The following SIPA1L3 variants were observed in gnomAD, a reference collection of about 807,000 sequenced individuals.
SIPA1L3 encodes signal-induced proliferation-associated 1-like protein 3.
Under a neutral mutation model 150.1 loss-of-function variants are expected in SIPA1L3, and 59 were observed. The observed-to-expected ratio is 0.39, with a 90% CI of 0.32 to 0.49. The LOEUF (loss-of-function observed/expected upper bound fraction) is 0.49. Among genes scored for constraint, SIPA1L3 ranks in the 20% least tolerant of loss-of-function variants. SIPA1L3 has a pLI of 0.86. For missense variants in SIPA1L3, 2,211 were observed against 2,489.5 expected (o/e 0.89, Z 2.38); for synonymous variants, 1,070 against 1,077.6 (o/e 0.99, Z 0.14).
chr19:37,999,564 G>C (rs999142914), intron 1 of SIPA1L3, among the ~76,000 whole-genome samples: 3 of 152,138 alleles, frequency 2.0e-5, no homozygotes, highest in African/African-American at 7.2e-5. Flanking sequence ...TTAGGGAGGG[G>C]CTTCCGCAGT....
intron 1 of SIPA1L3, among the ~76,000 whole-genome samples, chr19:37,937,479 G>A (rs1599814697): frequency 6.6e-6 from 1 of 151,678 alleles, no homozygotes; most frequent in South Asian, 2.1e-4. Context: ...TGGCTCATGT[G>A]TGTAATCCCA....
chr19:38,193,751 C>A lies in SIPA1L3; in HGVS notation c.4811C>A (p.Ala1604Asp), dbSNP rs200109447. The part of the protein sequence containing the change: ...HPPVGPGATP[A>D]AGSGFPEKKS... ...CCCGTCGGCCCCGGTGCCACCCCTG[C>A]CGCCGGCAGCGGCTTTCCCGAGAAG... Residue 1604 changes from alanine to aspartate, a missense_variant, in exon 18 of 22, where the codon GCC becomes GAC. By Grantham distance (126) the Ala-to-Asp change is moderately radical. Transcript: ENST00000222345. 151 of 1,572,364 alleles carry A rather than the reference C, an allele frequency of 9.6e-5. No homozygotes were observed. The East Asian group carries it at 3.4e-3, about 35-fold the overall frequency.
At chr19:38,069,404 C>A (rs769582509) in intron 2 of SIPA1L3, among the ~76,000 whole-genome samples, 1 of 152,188 alleles carries the variant, frequency 6.6e-6, no homozygotes, top group South Asian at 2.1e-4. Context: ...ACCACACCTG[C>A]GCTCCAGCCT....
At chr19:38,162,039 T>A (rs989665002) in intron 13 of SIPA1L3, among the ~76,000 whole-genome samples, 2 of 151,896 alleles carry the variant, frequency 1.3e-5, no homozygotes, top group Non-Finnish European at 2.9e-5. Flanking sequence ...GAGAGGGAAA[T>A]GGGATATTGC....
intron 4 of SIPA1L3, among the ~76,000 whole-genome samples, chr19:38,094,365 C>T (rs1970330766): frequency 6.6e-6 from 1 of 152,164 alleles, no homozygotes; most frequent in African/African-American, 2.4e-5. Flanking sequence ...CCTCCTGCCT[C>T]AGCCTCCCAA....
intron 9 of SIPA1L3, among the ~76,000 whole-genome samples, chr19:38,125,128 C>T (rs900516066): frequency 7.9e-5 from 12 of 152,232 alleles, no homozygotes; most frequent in South Asian, 4.1e-4. Context: ...CTCCACCTCC[C>T]GGGTTCAAGC....
At chr19:37,919,305 G>A (rs545102185) in intron 1 of SIPA1L3, among the ~76,000 whole-genome samples, 55 of 152,182 alleles carry the variant, frequency 3.6e-4, no homozygotes, top group Non-Finnish European at 6.3e-4. Context: ...GTAAGTATCT[G>A]TTGAATTAAT....
rs758776420 is a variant in SIPA1L3, at chr19:38,164,873, C to CG, written c.4181dup (p.Ser1395GlnfsTer10). ...GGCTCCAGCACCCCCACGGGACTGG[C>CG]GGGGGGCAGCCGAGACCCACCGAGG... On this transcript the variant is annotated frameshift_variant, in exon 15 of 22. Transcript: ENST00000222345. LOFTEE classifies it high-confidence loss of function. This position sits in a 1 kb window ranked among gnomAD's most constrained non-coding sequence, Gnocchi z 4.1. 1.3e-6 allele frequency: 2 copies of CG among 1,564,298 alleles called. No homozygotes were observed.
chr19:38,182,728 G>A lies in SIPA1L3; in HGVS notation c.4418G>A (p.Ser1473Asn). The change falls in exon 16 of 22, where the codon AGT becomes AAT. Residue 1473 changes from serine to asparagine, a missense_variant. By Grantham distance (46) the Ser-to-Asn change is conservative. Coordinates refer to ENST00000222345, the MANE Select transcript of SIPA1L3 (RefSeq NM_015073.3). ...CCCCCACCACGGCCACTCCCCTTCA[G>A]TGACCCAAAGAAGTAAGTGCCTGGA... ...EEPPPRPLPF[S>N]DPKKQVDTNT... is the part of the protein sequence containing the mutation. 1 of 1,612,360 alleles carries A rather than the reference G, an allele frequency of 6.2e-7. No homozygotes were observed. Among genetic ancestry groups the A allele is most frequent in the Non-Finnish European group, 8.5e-7 (1 of 1,179,228 alleles).
At chr19:38,123,395 A>C (rs1287588951) in intron 9 of SIPA1L3, among the ~76,000 whole-genome samples, 1 of 149,556 alleles carries the variant, frequency 6.7e-6, no homozygotes, top group Non-Finnish European at 1.5e-5. Context: ...TGGTTTTCCT[A>C]GGCAGAGGAC....
chr19:38,113,142 C>G (rs1379836715), intron 8 of SIPA1L3, among the ~76,000 whole-genome samples: 5 of 151,492 alleles, frequency 3.3e-5, no homozygotes, highest in Admixed American at 3.3e-4. Flanking sequence ...ACCCAGGAGG[C>G]AGAGGTTGCA....
intron 16 of SIPA1L3, among the ~76,000 whole-genome samples, chr19:38,186,601 C>T (rs1370358467): frequency 6.6e-6 from 1 of 151,620 alleles, no homozygotes; most frequent in Non-Finnish European, 1.5e-5. Context: ...CAATCCGCCC[C>T]CCCTTGGCCT....
intron 2 of SIPA1L3, among the ~76,000 whole-genome samples, chr19:38,073,070 G>A (rs974496401): frequency 4.6e-5 from 7 of 152,322 alleles, no homozygotes; most frequent in East Asian, 1.9e-4. Flanking sequence ...CGGAGTGGCC[G>A]TGTATCCACA....
At chr19:38,171,534 A>G (rs1487203682) in intron 15 of SIPA1L3, among the ~76,000 whole-genome samples, 1 of 151,754 alleles carries the variant, frequency 6.6e-6, no homozygotes, top group East Asian at 1.9e-4. Context: ...CTGGGATTAC[A>G]GGCACCTGCC....
At position 38,082,987 on chromosome 19, in the gene SIPA1L3, G is replaced by T. The variant is rs780595487; in HGVS notation, c.1422G>T (p.Ser474=). The T allele has an allele frequency of 1.2e-4, 192 of 1,613,124 alleles. 3 individuals carry two copies. Among genetic ancestry groups the T allele is most frequent in the Non-Finnish European group, 6.1e-5 (72 of 1,179,942 alleles). ...LSAYRTNASI[S]VLEVPKEQQR... ...CCTACCGCACCAACGCCAGCATCTC[G>T]GTGTTGGAAGTTCCCAAGGAGCAGC... Residue 474 remains serine, a synonymous_variant, in exon 3 of 22, where the codon TCG becomes TCT. Transcript: ENST00000222345.
intron 1 of SIPA1L3, among the ~76,000 whole-genome samples, chr19:38,016,872 T>A (rs1206578967): frequency 6.6e-6 from 1 of 151,418 alleles, no homozygotes; most frequent in East Asian, 1.9e-4. Flanking sequence ...TACTTCTTTT[T>A]CTGCCTCCTC....
At chr19:37,942,848 A>T (rs894736173) in intron 1 of SIPA1L3, among the ~76,000 whole-genome samples, 1 of 151,904 alleles carries the variant, frequency 6.6e-6, no homozygotes, top group Admixed American at 6.6e-5. Flanking sequence ...GGTAGTAAGG[A>T]TAGCCCCAGT....
chr19:37,924,966 T>C (rs941868408), intron 1 of SIPA1L3, among the ~76,000 whole-genome samples: 16 of 151,516 alleles, frequency 1.1e-4, no homozygotes, highest in African/African-American at 3.2e-4. Flanking sequence ...GGAGAATTGC[T>C]TGAATCCAGG....
intron 1 of SIPA1L3, among the ~76,000 whole-genome samples, chr19:37,952,053 C>T (rs2046769536): frequency 6.6e-6 from 1 of 151,970 alleles, no homozygotes; most frequent in Non-Finnish European, 1.5e-5. Flanking sequence ...TGAGTCAGTC[C>T]AATCAGAATT....
Sources: allele counts gnomAD v4.1 joint callset (sites outside exome capture counted in the v4.1 genomes callset), GRCh38; gene constraint gnomAD v4.1.1; non-coding constraint Gnocchi (gnomAD v3.1); transcripts MANE v1.5; gene names NCBI Gene and HGNC (gene_info 2026-07-23, HGNC 2026-07-21).